EXPH5: variants seen among roughly 807,000 people sequenced by gnomAD.
The protein encoded by EXPH5 is exophilin 5.
EXPH5 carries 42 observed loss-of-function variants against 41.1 expected under a neutral mutation model. The ratio of observed to expected loss-of-function variants is 1.02; its 90% CI spans 0.80 to 1.32. The LOEUF (loss-of-function observed/expected upper bound fraction) is 1.32, where lower values mean the gene tolerates loss of function less well. EXPH5 is among the 40% of genes most tolerant of loss of function. The probability of loss-of-function intolerance (pLI) is 0.00; values close to 1 mark genes in which losing one functional copy is unlikely to be tolerated. For missense variants in EXPH5, 2,298 were observed against 2,314.5 expected (o/e 0.99, Z 0.15); for synonymous variants, 798 against 833.5 (o/e 0.96, Z 0.73).
chr11:108,548,051 G>C (rs1024991126), intron 1 of EXPH5, among the ~76,000 whole-genome samples: 4 of 144,932 alleles, frequency 2.8e-5, no homozygotes, highest in African/African-American at 1.0e-4. Context: ...GGAGGTTGCA[G>C]TGAGCCGAGA....
chr11:108,544,725 T>C (rs2093929631), intron 1 of EXPH5, among the ~76,000 whole-genome samples: 1 of 152,132 alleles, frequency 6.6e-6, no homozygotes, highest in African/African-American at 2.4e-5. Context: ...GTAGACAACA[T>C]AGAATCCTGG....
intron 1 of EXPH5, among the ~76,000 whole-genome samples, chr11:108,593,121 A>G (rs981235953): frequency 2.0e-5 from 3 of 152,200 alleles, no homozygotes; most frequent in African/African-American, 7.2e-5. Context: ...GACACCCGGC[A>G]CAGCACAGCG....
chr11:108,532,440 C>G (rs2093849741), intron 3 of EXPH5, among the ~76,000 whole-genome samples: 1 of 130,166 alleles, frequency 7.7e-6, no homozygotes, highest in African/African-American at 3.0e-5. Context: ...GTCTTGAACT[C>G]CTGCGCTCAA....
chr11:108,604,117 G>A, the EXPH5 span, among the ~76,000 whole-genome samples: 1 of 151,884 alleles, frequency 6.6e-6, no homozygotes, highest in Non-Finnish European at 1.5e-5. Context: ...GGCTGAATAG[G>A]CCGGGTGCAG....
At chr11:108,561,836 G>A (rs910967684) in intron 1 of EXPH5, among the ~76,000 whole-genome samples, 1 of 152,194 alleles carries the variant, frequency 6.6e-6, no homozygotes, top group Non-Finnish European at 1.5e-5. Flanking sequence ...TCTTGAACAG[G>A]AGGAAGCTAT....
chr11:108,595,288 G>A (rs956897979), upstream of EXPH5, among the ~76,000 whole-genome samples: 4 of 152,182 alleles, frequency 2.6e-5, no homozygotes, highest in African/African-American at 9.7e-5. Context: ...CATAATAGAG[G>A]AATAAAGAAA....
intron 1 of EXPH5, among the ~76,000 whole-genome samples, chr11:108,591,946 T>C (rs904118809): frequency 6.6e-6 from 1 of 152,344 alleles, no homozygotes; most frequent in South Asian, 2.1e-4. Flanking sequence ...CCCCATCCTC[T>C]TCAGAGACAA....
intron 1 of EXPH5, among the ~76,000 whole-genome samples, chr11:108,573,307 C>T (rs1247735233): frequency 4.6e-5 from 7 of 152,152 alleles, no homozygotes; most frequent in African/African-American, 9.6e-5. Context: ...CTGATTTGAC[C>T]AGCAAAACAA....
At chr11:108,590,916 G>C (rs1445430271) in intron 1 of EXPH5, among the ~76,000 whole-genome samples, 2 of 152,210 alleles carry the variant, frequency 1.3e-5, no homozygotes, top group Non-Finnish European at 2.9e-5. Flanking sequence ...GTCTCCCAAA[G>C]CACTGGGATT....
At chr11:108,580,171 C>T (rs1303508647) in intron 1 of EXPH5, among the ~76,000 whole-genome samples, 1 of 152,018 alleles carries the variant, frequency 6.6e-6, no homozygotes, top group Admixed American at 6.6e-5. Flanking sequence ...GAATTAATAT[C>T]CAGAATACAC....
At chr11:108,525,275 C>T (rs1467759929) in intron 4 of EXPH5, among the ~76,000 whole-genome samples, 1 of 152,182 alleles carries the variant, frequency 6.6e-6, no homozygotes, top group Non-Finnish European at 1.5e-5. Flanking sequence ...GCCTGAGGAG[C>T]CCACACCAAT....
intron 1 of EXPH5, among the ~76,000 whole-genome samples, chr11:108,561,034 A>T (rs1019849288): frequency 2.7e-4 from 41 of 152,346 alleles, no homozygotes; most frequent in African/African-American, 8.9e-4. Flanking sequence ...ATAATAATAT[A>T]ACTAACATTG....
At position 108,571,788 on chromosome 11, in the gene EXPH5, C is replaced by T. The variant is rs148390843; in HGVS notation, c.119+21630G>A. Among the ~76,000 whole-genome samples, 556 of 152,218 alleles carry T rather than the reference C, an allele frequency of 3.7e-3. 7 individuals are homozygous for T. The highest frequency in any genetic ancestry group is 0.013 in the African/African-American group (523 of 41,524). On this transcript the variant is annotated intron_variant, in intron 1 of 5. Transcript: ENST00000265843. ...AAAATAGTCATTGAACAGGCTGGGGCGGTGGCTCACGCTTGTAATCCCAGC... is the reference window on the plus strand; with the variant it reads ...AAAATAGTCATTGAACAGGCTGGGGTGGTGGCTCACGCTTGTAATCCCAGC...
rs2093668220 is a variant in EXPH5, at chr11:108,510,187, G to A, written c.5320C>T (p.Leu1774=). 1 of 1,613,978 alleles carries A rather than the reference G, an allele frequency of 6.2e-7. No individual in the cohort carries two copies. The part of the protein sequence containing the change: ...SRVSSPLASF[L]QQQRSASSLE... ...GATGAAGCACTCCTTTGTTGCTGCA[G>A]AAAACTGGCCAGTGGACTGCTTACT... is the stretch of plus-strand genomic sequence containing the variant. Residue 1774 remains leucine, a synonymous_variant, in exon 6 of 6, where the codon CTG becomes TTG. Coordinates refer to ENST00000265843, the MANE Select transcript of EXPH5 (RefSeq NM_015065.3).
chr11:108,558,220 G>A lies in EXPH5; in HGVS notation c.120-16408C>T, dbSNP rs571046427. 2.6e-5 allele frequency among the ~76,000 whole-genome samples: 4 copies of A among 152,210 alleles called. No individual in the cohort carries two copies. In the East Asian group the frequency reaches 7.7e-4, roughly 29 times the overall value. On this transcript the variant is annotated intron_variant, in intron 1 of 5. Transcript: ENST00000265843. Reference sequence around the variant, plus strand: ...AGACTCTCAGAGTGCTTGGATTACAGGTGTCAGCCACTGCGCCCAGCTCCC... The same window carrying A: ...AGACTCTCAGAGTGCTTGGATTACAAGTGTCAGCCACTGCGCCCAGCTCCC...
intron 1 of EXPH5, among the ~76,000 whole-genome samples, chr11:108,589,487 A>G (rs1307523391): frequency 1.3e-5 from 2 of 152,194 alleles, no homozygotes; most frequent in African/African-American, 4.8e-5. Context: ...AATCAGAAAA[A>G]ACTAAATTCT....
intron 4 of EXPH5, among the ~76,000 whole-genome samples, chr11:108,521,265 G>C (rs1252049556): frequency 6.6e-6 from 1 of 152,046 alleles, no homozygotes; most frequent in African/African-American, 2.4e-5. Context: ...TCCATAACAG[G>C]TCTGTCTGAT....
chr11:108,605,507 T>A, the EXPH5 span, among the ~76,000 whole-genome samples: 1 of 152,178 alleles, frequency 6.6e-6, no homozygotes, highest in Admixed American at 6.5e-5. Flanking sequence ...GGTACCAGCA[T>A]CTACAGGGTA....
At chr11:108,580,484 T>C (rs890839202) in intron 1 of EXPH5, among the ~76,000 whole-genome samples, 10 of 152,190 alleles carry the variant, frequency 6.6e-5, no homozygotes, top group Non-Finnish European at 1.2e-4. Flanking sequence ...ATAGCCACTA[T>C]GGAGAACAGT....
Sources: allele counts gnomAD v4.1 joint callset (sites outside exome capture counted in the v4.1 genomes callset), GRCh38; gene constraint gnomAD v4.1.1; transcripts MANE v1.5; gene names NCBI Gene and HGNC (gene_info 2026-07-23, HGNC 2026-07-21).